Variants in ABCA3 observed in about 807,000 individuals in gnomAD.
ABCA3 encodes ATP binding cassette subfamily A member 3.
ABCA3 carries 88 observed loss-of-function variants against 172.8 expected under a neutral mutation model. The observed-to-expected ratio is 0.51, with a 90% CI of 0.43 to 0.61. ABCA3 has a LOEUF of 0.61. Among genes scored for constraint, ABCA3 ranks in the 20% least tolerant of loss-of-function variants. The pLI is 0.00. For missense variants in ABCA3, 2,164 were observed against 2,301.0 expected (o/e 0.94, Z 1.22); for synonymous variants, 1,066 against 983.8 (o/e 1.08, Z -1.56).
chr16:2,336,340 A>T (rs1305574188), intron 1 of ABCA3, among the ~76,000 whole-genome samples: 2 of 151,882 alleles, frequency 1.3e-5, no homozygotes, highest in Non-Finnish European at 2.9e-5. Context: ...AAAAACAAGT[A>T]CCCTGCCTCG....
chr16:2,305,480 A>G (rs1454740191), intron 11 of ABCA3, among the ~76,000 whole-genome samples: 1 of 152,112 alleles, frequency 6.6e-6, no homozygotes, highest in Non-Finnish European at 1.5e-5. Context: ...TATTTTTAGT[A>G]GAGACGGAGT....
At chr16:2,336,968 A>C (rs1035798525) in intron 1 of ABCA3, among the ~76,000 whole-genome samples, 5 of 151,342 alleles carry the variant, frequency 3.3e-5, no homozygotes, top group Non-Finnish European at 7.4e-5. Flanking sequence ...GCTGCAGTGC[A>C]ATGGCATCAT....
Position 2,286,767 on chromosome 16 carries a change from G to A in ABCA3, c.3205C>T (p.His1069Tyr). 1 of 1,614,148 alleles carries A rather than the reference G, an allele frequency of 6.2e-7. No homozygotes were observed. The highest frequency in any genetic ancestry group is 1.1e-5 in the South Asian group (1 of 91,088). Residue 1069 changes from histidine to tyrosine, a missense_variant, in exon 22 of 33, where the codon CAC (histidine) becomes TAC (tyrosine). Physicochemically the swap from His to Tyr is moderately conservative, Grantham distance 83. Coordinates refer to ENST00000301732, the MANE Select transcript of ABCA3 (RefSeq NM_001089.3). This position sits in a 1 kb window ranked among gnomAD's most constrained non-coding sequence, Gnocchi z 5.2. ...AAGTTGGAGACCACAATGGAGGCGT[G>A]AGGCCCGCACAGCAGCTTGAACAGA... ...NLLFKLLCGP[H>Y]ASIVVSNFPQ...
chr16:2,299,774 C>T (rs570640177), intron 13 of ABCA3, among the ~76,000 whole-genome samples: 3 of 152,318 alleles, frequency 2.0e-5, no homozygotes, highest in East Asian at 1.9e-4. Flanking sequence ...CCCATGAGGC[C>T]GAGGCACTGC....
chr16:2,281,597 G>A lies in ABCA3; in HGVS notation c.4036-88C>T. On this transcript the variant is annotated intron_variant, in intron 26 of 32. Transcript: ENST00000301732. This position sits in a 1 kb window ranked among gnomAD's most constrained non-coding sequence, Gnocchi z 4.7. ...GGGAGGGGCGGGGGTGGATGTGGGA[G>A]GTCTGGTGGGACTAAGGCCTTCAAG... 1 of 1,443,278 alleles carries A rather than the reference G, an allele frequency of 6.9e-7. No homozygotes were observed. The highest frequency in any genetic ancestry group is 9.5e-7 in the Non-Finnish European group (1 of 1,049,734). 89.4% of individuals were successfully genotyped at this position (1,443,278 alleles called of 1,614,324 possible). A position where few individuals can be genotyped will look rare whatever the true frequency, so the allele number is the denominator to read the frequency against.
chr16:2,308,288 C>A (rs1166829649), intron 11 of ABCA3, among the ~76,000 whole-genome samples, 162 bp downstream of exon 11: 1 of 152,200 alleles, frequency 6.6e-6, no homozygotes. Flanking sequence ...GTCCAGCTAT[C>A]CAGCCCACAC....
intron 10 of ABCA3, among the ~76,000 whole-genome samples, chr16:2,308,892 C>G (rs921846267): frequency 1.4e-4 from 22 of 152,320 alleles, no homozygotes; most frequent in South Asian, 2.1e-4. Context: ...AGCTGCCTCC[C>G]TGACACTGCA....
chr16:2,339,648 TACTC>T (rs2093757363), intron 1 of ABCA3, among the ~76,000 whole-genome samples: 1 of 152,204 alleles, frequency 6.6e-6, no homozygotes, highest in Non-Finnish European at 1.5e-5. Flanking sequence ...GGGTCTCGGC[TACTC>T]ACTCAGCGGG....
At chr16:2,329,539 T>C (rs144538802) in intron 2 of ABCA3, 109 bp downstream of exon 2, 80 of 152,300 alleles carry the variant, frequency 5.3e-4, no homozygotes, top group African/African-American at 1.9e-3. Flanking sequence ...AAAGGAAAGA[T>C]CCCCATGCTT....
intron 1 of ABCA3, among the ~76,000 whole-genome samples, chr16:2,337,828 T>G (rs542816943): frequency 6.6e-6 from 1 of 152,236 alleles, no homozygotes; most frequent in African/African-American, 2.4e-5. Flanking sequence ...CCTAGCTTGC[T>G]GGCGCTCATA....
chr16:2,336,007 AGT>A (rs1262495951), intron 1 of ABCA3, among the ~76,000 whole-genome samples: 4 of 152,236 alleles, frequency 2.6e-5, no homozygotes, highest in African/African-American at 9.6e-5. Flanking sequence ...TGACTGCAGC[AGT>A]GTGTCATCTA....
Position 2,316,748 on chromosome 16 carries a change from G to A in ABCA3, c.1111+535C>T, listed in dbSNP as rs45567638. Among the ~76,000 whole-genome samples the A allele has an allele frequency of 8.2e-3, 1,241 of 151,866 alleles. 13 individuals are homozygous for A. The highest frequency in any genetic ancestry group is 0.014 in the Middle Eastern group (4 of 288). On this transcript the variant is annotated intron_variant, in intron 10 of 32. Coordinates refer to ENST00000301732, the MANE Select transcript of ABCA3 (RefSeq NM_001089.3). ...GGTGAGGTTGGAGTTTTACCTGGGA[G>A]GAGCCTGGGCATACTGAATAACTTC... is the stretch of plus-strand genomic sequence containing the variant.
At chr16:2,298,653 C>A (rs2093684018) in intron 14 of ABCA3, 113 bp from the exon 15 acceptor site, 35 of 1,363,180 alleles carry the variant, frequency 2.6e-5, no homozygotes, top group Non-Finnish European at 3.4e-5. Flanking sequence ...GAGGACCCTG[C>A]CCATGAGAGG....
In ABCA3 at chr16:2,283,070, T is replaced by C. The variant is rs2093657438; in HGVS notation, c.4035+116A>G. The C allele has an allele frequency of 3.3e-6, 4 of 1,204,434 alleles. No individual in the cohort carries two copies. Among genetic ancestry groups the C allele is most frequent in the Middle Eastern group, 5.2e-4 (2 of 3,822 alleles). The allele number at this position is 1,204,434 out of a possible 1,614,324, so 74.6% of individuals were successfully genotyped here. On this transcript the variant is annotated intron_variant, in intron 26 of 32. Transcript: ENST00000301732. This position sits in a 1 kb window ranked among gnomAD's most constrained non-coding sequence, Gnocchi z 5.4. ...GCTGAGGCCGTACAGTGGGAGACCA[T>C]CTGGTGCAGGAGCTGCCTGGTGGAG...
At chr16:2,296,376 A>G (rs1207432172) in intron 17 of ABCA3, among the ~76,000 whole-genome samples, 1 of 152,180 alleles carries the variant, frequency 6.6e-6, no homozygotes. Context: ...CTGGGATTAC[A>G]GGCATGCACC....
At position 2,324,430 on chromosome 16, in the gene ABCA3, G is replaced by T; in HGVS notation, c.421C>A (p.His141Asn). The T allele has an allele frequency of 6.2e-7, 1 of 1,604,704 alleles. No homozygotes were observed. Among genetic ancestry groups the T allele is most frequent in the South Asian group, 1.1e-5 (1 of 90,190 alleles). The change falls in exon 6 of 33, where the codon CAC becomes AAC. Residue 141 changes from histidine to asparagine, a missense_variant. Physicochemically the swap from His to Asn is moderately conservative, Grantham distance 68. Around this residue, in one of 3 missense-constraint regions of ABCA3, gnomAD observed 1,343 missense variants for 1,369.6 expected, o/e 0.98. Transcript: ENST00000301732. Reference protein sequence around the residue: ...AAVVFEHPFNHSKEPLPLAVK... With the variant: ...AAVVFEHPFNNSKEPLPLAVK... ...GCCAGCGGCAGGGGCTCCTTGCTGTGGTTGAAGGGGTGCTCGAAGACCACG... is the reference window on the plus strand; with the variant it reads ...GCCAGCGGCAGGGGCTCCTTGCTGTTGTTGAAGGGGTGCTCGAAGACCACG...
chr16:2,306,940 G>T lies in ABCA3; in HGVS notation c.1285+1510C>A, dbSNP rs191822656. 5.7e-4 allele frequency among the ~76,000 whole-genome samples: 85 copies of T among 149,978 alleles called. 2 individuals are homozygous for T. In the East Asian group the frequency reaches 0.016, roughly 28 times the overall value. On this transcript the variant is annotated intron_variant, in intron 11 of 32. Transcript: ENST00000301732. ...TGAGGCAGGAAAATGGCATGAACCCGGGAGGCGGAGCTTGCAGTGAGCCGA... is the reference window on the plus strand; with the variant it reads ...TGAGGCAGGAAAATGGCATGAACCCTGGAGGCGGAGCTTGCAGTGAGCCGA...
chr16:2,303,407 A>T (rs867952799), intron 12 of ABCA3, among the ~76,000 whole-genome samples: 1 of 150,448 alleles, frequency 6.6e-6, no homozygotes, highest in Non-Finnish European at 1.5e-5. Context: ...GACTACAGGC[A>T]CCCGCCATCA....
Position 2,279,200 on chromosome 16 carries a change from G to A in ABCA3, c.4360-70C>T. 1 of 1,568,988 alleles carries A rather than the reference G, an allele frequency of 6.4e-7. No homozygotes were observed. The highest frequency in any genetic ancestry group is 8.6e-7 in the Non-Finnish European group (1 of 1,156,918). ...GCCTCCTTCCTCCAGAGGACCACGG[G>A]GACTACCCTTGAGGTGCCCACCACT... On this transcript the variant is annotated intron_variant, in intron 28 of 32. Transcript: ENST00000301732. The surrounding 1 kb of genome is among the most constrained non-coding windows in gnomAD (Gnocchi z 4.4).
Sources: allele counts gnomAD v4.1 joint callset (sites outside exome capture counted in the v4.1 genomes callset), GRCh38; gene constraint gnomAD v4.1.1; regional missense constraint gnomAD v4.1.1; non-coding constraint Gnocchi (gnomAD v3.1); transcripts MANE v1.5; gene names NCBI Gene and HGNC (gene_info 2026-07-23, HGNC 2026-07-21).